Variants in L3MBTL2 observed in about 807,000 individuals in gnomAD.
L3MBTL2 encodes the protein L3MBTL histone methyl-lysine binding protein 2.
In L3MBTL2, 49 loss-of-function variants were observed where a neutral mutation model predicts 86.4. The observed-to-expected ratio is 0.57, with a 90% CI of 0.45 to 0.72. The LOEUF is 0.72. Ranked by LOEUF, L3MBTL2 falls within the 30% of genes least tolerant of loss-of-function variation. The probability of loss-of-function intolerance (pLI) is 0.00; values close to 1 mark genes in which losing one functional copy is unlikely to be tolerated. For missense variants in L3MBTL2, 755 were observed against 923.7 expected, an observed-to-expected ratio of 0.82 and a Z score of 2.37; for synonymous variants, 336 against 350.6, an observed-to-expected ratio of 0.96 and a Z score of 0.47.
At chr22:41,214,089 G>A (rs1435689166) in intron 3 of L3MBTL2, 63 bp downstream of exon 3, 3 of 1,580,928 alleles carry the variant, frequency 1.9e-6, no homozygotes, top group Non-Finnish European at 2.6e-6. Flanking sequence ...ACCACCAAGT[G>A]ACTGAAGGCC....
chr22:41,212,663 A>AG (rs1555916188), intron 2 of L3MBTL2, among the ~76,000 whole-genome samples: 1 of 151,862 alleles, frequency 6.6e-6, no homozygotes, highest in Non-Finnish European at 1.5e-5. Flanking sequence ...TGGGAGGCCG[A>AG]GGCGGGAGGA....
chr22:41,229,579 A>T lies in L3MBTL2; in HGVS notation c.1928A>T (p.Gln643Leu), dbSNP rs1191553843. 1.2e-6 allele frequency: 2 copies of T among 1,613,232 alleles called. No homozygotes were observed. The highest frequency in any genetic ancestry group is 1.7e-5 in the Admixed American group (1 of 60,000). The stretch of plus-strand genomic sequence containing the variant: ...CCCACTAAGACGCGACCCCTCAGAC[A>T]GGGGTCCAAGAAGCCCCTGCTGGAG... ...IPPTKTRPLR[Q>L]GSKKPLLEDD... Residue 643 changes from glutamine (Q) to leucine (L), a missense_variant, in exon 16 of 17, where the codon CAG becomes CTG. This residue lies in a region of L3MBTL2 where 634 missense variants were observed against 748.9 expected (regional missense o/e 0.85). Transcript: ENST00000216237.
At position 41,227,223 on chromosome 22, in the gene L3MBTL2, C is replaced by T; in HGVS notation, c.1722C>T (p.Asp574=). 1 of 1,613,438 alleles carries T rather than the reference C, an allele frequency of 6.2e-7. No individual in the cohort carries two copies. The highest frequency in any genetic ancestry group is 8.5e-7 in the Non-Finnish European group (1 of 1,179,998). ...TCAGCATCCACTTTGACGGCTGGGACAGCGAGTACGACCAGTGGGTGGACT... is the reference window on the plus strand; with the variant it reads ...TCAGCATCCACTTTGACGGCTGGGATAGCGAGTACGACCAGTGGGTGGACT... ...RLLSIHFDGW[D]SEYDQWVDCE... The change falls in exon 14 of 17, where the codon GAC becomes GAT. Residue 574 remains aspartate (D), a synonymous_variant. Coordinates refer to ENST00000216237, the MANE Select transcript of L3MBTL2 (RefSeq NM_031488.5). This position sits in a 1 kb window ranked among gnomAD's most constrained non-coding sequence, Gnocchi z 6.0.
At chr22:41,226,459 C>T (rs1217357121) in intron 12 of L3MBTL2, among the ~76,000 whole-genome samples, 1 of 152,186 alleles carries the variant, frequency 6.6e-6, no homozygotes, top group Non-Finnish European at 1.5e-5. Flanking sequence ...TCCCACTTAT[C>T]CCATTGGTCA....
rs551250360 is a variant in L3MBTL2, at chr22:41,213,182, A to G, written c.263-711A>G. On this transcript the variant is annotated intron_variant, in intron 2 of 16. Coordinates refer to ENST00000216237, the MANE Select transcript of L3MBTL2 (RefSeq NM_031488.5). ...CAGTGAGCCAAGATTGCGCCAGTGT[A>G]CTACTCCAGGCTGGGTGACAGAGCA... Among the ~76,000 whole-genome samples, 14 of 152,326 alleles carry G rather than the reference A, an allele frequency of 9.2e-5. No homozygotes were observed. The South Asian group carries it at 2.7e-3, about 29-fold the overall frequency.
At chr22:41,214,109 A>G in intron 3 of L3MBTL2, 83 bp downstream of exon 3, 1 of 1,441,602 alleles carries the variant, frequency 6.9e-7, no homozygotes, top group East Asian at 2.3e-5. Context: ...CAGGGCCAGG[A>G]AAGTTTGAAA....
chr22:41,216,892 T>C (rs768566364), intron 4 of L3MBTL2: 10 of 484,644 alleles, frequency 2.1e-5, no homozygotes, highest in Admixed American at 3.7e-5. Context: ...TGAATGTTCC[T>C]CTACTCCTGA....
chr22:41,224,363 C>A lies in L3MBTL2; in HGVS notation c.1174+112C>A. 1 of 758,274 alleles carries A rather than the reference C, an allele frequency of 1.3e-6. No homozygotes were observed. The highest frequency in any genetic ancestry group is 2.2e-6 in the Non-Finnish European group (1 of 464,176). The allele number at this position is 758,274 out of a possible 1,614,324, so 47.0% of individuals were successfully genotyped here. A position where few individuals can be genotyped will look rare whatever the true frequency, so the allele number is the denominator to read the frequency against. Reference sequence around the variant, plus strand: ...CAGCAGGTGGAGGTTGGCATGGCCCCCCTGCAGTGATGATACTGAGCTCCA... The same window carrying A: ...CAGCAGGTGGAGGTTGGCATGGCCCACCTGCAGTGATGATACTGAGCTCCA... On this transcript the variant is annotated intron_variant, in intron 9 of 16. Coordinates refer to ENST00000216237, the MANE Select transcript of L3MBTL2 (RefSeq NM_031488.5). The surrounding 1 kb of genome is among the most constrained non-coding windows in gnomAD (Gnocchi z 4.9).
At chr22:41,216,591 G>T (rs1462488620) in intron 4 of L3MBTL2, among the ~76,000 whole-genome samples, 1 of 152,194 alleles carries the variant, frequency 6.6e-6, no homozygotes, top group Non-Finnish European at 1.5e-5. Context: ...TTGAAGGCAG[G>T]TTTGGAGAGG....
rs547006790 is a variant in L3MBTL2 at position 41,222,092 on chromosome 22, G to A, written c.942+805G>A. ...TAATTTTTGTATTTTTAGTAGAGAT[G>A]GGGTTTCACCATATTGGCCAGGCTG... On this transcript the variant is annotated intron_variant, in intron 8 of 16. Coordinates refer to ENST00000216237, the MANE Select transcript of L3MBTL2 (RefSeq NM_031488.5). Among the ~76,000 whole-genome samples the A allele has an allele frequency of 3.4e-4, 51 of 150,776 alleles. 1 individual carries two copies. The South Asian group carries it at 9.6e-3, about 29-fold the overall frequency.
intron 2 of L3MBTL2, 73 bp downstream of exon 2, chr22:41,210,006 C>G (rs1179176672): frequency 2.3e-5 from 36 of 1,562,438 alleles, no homozygotes; most frequent in Non-Finnish European, 2.9e-5. Flanking sequence ...TGGATATAGG[C>G]TATATGGGCA....
chr22:41,216,964 G>A (rs2031425602), intron 4 of L3MBTL2, 159 bp from the exon 5 acceptor site: 2 of 609,120 alleles, frequency 3.3e-6, no homozygotes, highest in Admixed American at 2.9e-5. Flanking sequence ...TGGTGGATCA[G>A]GTATGGGAGT....
At chr22:41,221,839 G>A (rs1407889103) in intron 8 of L3MBTL2, among the ~76,000 whole-genome samples, 3 of 151,638 alleles carry the variant, frequency 2.0e-5, no homozygotes, top group South Asian at 2.1e-4. Flanking sequence ...TCCTGACCTC[G>A]TGATCCATCT....
At chr22:41,223,400 T>A (rs900138243) in intron 8 of L3MBTL2, among the ~76,000 whole-genome samples, 5 of 152,212 alleles carry the variant, frequency 3.3e-5, no homozygotes, top group Admixed American at 3.3e-4. Context: ...TGGCTCTCTG[T>A]AGAGCAGCTC....
rs1275587756 is a variant in L3MBTL2, at chr22:41,211,849, A to T, written c.262+1916A>T. 2.6e-3 allele frequency among the ~76,000 whole-genome samples: 191 copies of T among 72,932 alleles called. No homozygotes were observed. The Middle Eastern group carries it at 0.064, about 24-fold the overall frequency. The allele number at this position is 72,932 out of a possible 152,430, so 47.8% of individuals were successfully genotyped here. ...TGGGATTACAGGCGTGAGCCACCGCACCCGGCCTTTTTTTTTTTTTTTTTT... is the reference window on the plus strand; with the variant it reads ...TGGGATTACAGGCGTGAGCCACCGCTCCCGGCCTTTTTTTTTTTTTTTTTT... On this transcript the variant is annotated intron_variant, in intron 2 of 16. Transcript: ENST00000216237.
At chr22:41,211,358 G>A (rs535139745) in intron 2 of L3MBTL2, among the ~76,000 whole-genome samples, 1 of 141,418 alleles carries the variant, frequency 7.1e-6, no homozygotes, top group South Asian at 2.2e-4. Context: ...ACGCCACCAT[G>A]CCTGGCTAAT....
rs891816089 is a variant in L3MBTL2 at position 41,221,207 on chromosome 22, G to A, written c.862G>A (p.Ala288Thr). ...KILVPPRTIHAKFTDWKGYLM... is the reference protein window; with the variant it reads ...KILVPPRTIHTKFTDWKGYLM... ...TGCTGGTGCCTCCACAGCCATCCAT[G>A]CCAAGTTCACCGACTGGAAGGGCTA... The change falls in exon 8 of 17, where the codon GCC becomes ACC. Residue 288 changes from alanine to threonine, a missense_variant. Physicochemically the swap from Ala to Thr is moderately conservative, Grantham distance 58 (BLOSUM62 0). Transcript: ENST00000216237. 4 of 1,550,102 alleles carry A rather than the reference G, an allele frequency of 2.6e-6. No individual in the cohort carries two copies. Among genetic ancestry groups the A allele is most frequent in the Admixed American group, 2.0e-5 (1 of 50,948 alleles).
intron 16 of L3MBTL2, 79 bp downstream of exon 16, chr22:41,229,735 G>T (rs767399964): frequency 6.2e-7 from 1 of 1,609,886 alleles, no homozygotes; most frequent in Non-Finnish European, 8.5e-7. Context: ...CCCCACCTGG[G>T]CACAGAAGAG....
intron 7 of L3MBTL2, 69 bp from the exon 8 acceptor site, chr22:41,221,130 G>A (rs944911144): frequency 1.4e-5 from 19 of 1,392,620 alleles, no homozygotes; most frequent in Middle Eastern, 2.3e-4. Context: ...ACTCTGGGTC[G>A]GCGCTAGCGC....
Sources: gnomAD v4.1 joint callset for allele counts (sites outside exome capture counted in the v4.1 genomes callset) on GRCh38, gnomAD v4.1.1 for gene constraint, gnomAD v4.1.1 regional missense constraint, Gnocchi (gnomAD v3.1) non-coding constraint, MANE v1.5 for transcripts, NCBI Gene and HGNC (gene_info 2026-07-23, HGNC 2026-07-21) for gene names.